The following HRK variants were observed in gnomAD, a reference collection of about 807,000 sequenced individuals.
The protein encoded by HRK is activator of apoptosis harakiri.
A neutral mutation model predicts 5.9 loss-of-function variants in HRK; 6 were observed. The ratio of observed to expected loss-of-function variants is 1.02; its 90% confidence interval spans 0.56 to 2.01. The LOEUF is 2.01. HRK is among the 30% of genes most tolerant of loss of function. The pLI is 0.00. For synonymous variants in HRK, 85 were observed against 65.1 expected, an observed-to-expected ratio of 1.31 and a Z score of -1.47; for missense variants, 133 against 128.3, an observed-to-expected ratio of 1.04 and a Z score of -0.18.
chr12:116,863,434 G>T (rs1878433906), intron 1 of HRK, among the ~76,000 whole-genome samples: 1 of 152,158 alleles, frequency 6.6e-6, no homozygotes, highest in South Asian at 2.1e-4. Context: ...TTCAGGCCAG[G>T]GTGGGAATAG....
At chr12:116,871,024 T>G (rs913664857) in intron 1 of HRK, among the ~76,000 whole-genome samples, 2 of 151,950 alleles carry the variant, frequency 1.3e-5, no homozygotes, top group Admixed American at 1.3e-4. Context: ...GTTCAAGCGA[T>G]TCTCTTGCCT....
rs927257156 is a variant in HRK at position 116,858,964 on chromosome 12, A to T, written c.*2559T>A. 1 of 152,158 alleles carries T rather than the reference A, an allele frequency of 6.6e-6. No individual in the cohort carries two copies. The highest frequency in any genetic ancestry group is 1.5e-5 in the Non-Finnish European group (1 of 68,014). The allele number at this position is 152,158 out of a possible 1,614,324, so 9.4% of individuals were successfully genotyped here. On this transcript the variant is annotated 3_prime_UTR_variant, in exon 2 of 2. Transcript: ENST00000257572. ...CATCAAGAAGTCAAATCTCATATAA[A>T]AACAAGCATTAAAAACAACCCCGTG... is the stretch of plus-strand genomic sequence containing the variant.
At chr12:116,875,761 C>T (rs141434531) in intron 1 of HRK, among the ~76,000 whole-genome samples, 1,645 of 152,230 alleles carry the variant, frequency 0.011, 12 homozygotes, top group Non-Finnish European at 0.016. Flanking sequence ...CCAGGCAGGT[C>T]TCGAACTCCT....
chr12:116,865,623 A>G (rs2137245544), intron 1 of HRK, among the ~76,000 whole-genome samples: 1 of 152,364 alleles, frequency 6.6e-6, no homozygotes, highest in East Asian at 1.9e-4. Flanking sequence ...AAAGAAGAAT[A>G]TAAAAATAAA....
chr12:116,865,709 T>C (rs1878518541), intron 1 of HRK, among the ~76,000 whole-genome samples: 1 of 152,222 alleles, frequency 6.6e-6, no homozygotes, highest in Non-Finnish European at 1.5e-5. Context: ...GCTGGTTGTG[T>C]AGCCTCCCAG....
chr12:116,871,673 T>C (rs1171786977), intron 1 of HRK, among the ~76,000 whole-genome samples: 2 of 150,892 alleles, frequency 1.3e-5, no homozygotes, highest in African/African-American at 2.4e-5. Context: ...GTCGCCCAGG[T>C]TGGAGTACAG....
intron 1 of HRK, among the ~76,000 whole-genome samples, chr12:116,877,932 G>A (rs1878997278): frequency 6.6e-6 from 1 of 152,184 alleles, no homozygotes; most frequent in Non-Finnish European, 1.5e-5. Flanking sequence ...TTGAGATGGA[G>A]TCTCGCTCTG....
At position 116,879,167 on chromosome 12, in the gene HRK, G is replaced by C. The variant is rs1378660300; in HGVS notation, c.*56+1809C>G. The C allele has an allele frequency of 6.6e-6, 1 of 152,342 alleles. No individual in the cohort carries two copies. The highest frequency in any genetic ancestry group is 6.5e-5 in the Admixed American group (1 of 15,290). The allele number at this position is 152,342 out of a possible 1,614,324, so 9.4% of individuals were successfully genotyped here. On this transcript the variant is annotated intron_variant, in intron 1 of 1. Transcript: ENST00000257572. This position sits in a 1 kb window ranked among gnomAD's most constrained non-coding sequence, Gnocchi z 5.6. ...ACATCCCGCACGCCTGGTGCCGGAAGGGGAGAGCGTTTCCAATCTCCTGGA... is the reference window on the plus strand; with the variant it reads ...ACATCCCGCACGCCTGGTGCCGGAACGGGAGAGCGTTTCCAATCTCCTGGA...
intron 1 of HRK, among the ~76,000 whole-genome samples, chr12:116,863,646 T>A (rs4766807): frequency 0.5 from 75,388 of 151,910 alleles, 22,949 homozygotes; most frequent in Admixed American, 0.66. Context: ...CCCCATAGTC[T>A]ATGTCAGCTG....
At position 116,881,320 on chromosome 12, in the gene HRK, C is replaced by A; in HGVS notation, c.-13G>T. On this transcript the variant is annotated 5_prime_UTR_variant, in exon 1 of 2. Coordinates refer to ENST00000257572, the MANE Select transcript of HRK (RefSeq NM_003806.4). ...GGCACGGGCACATGACCGCTGGCCT[C>A]GCTCCCGCCCCGCGCTCGGGCCGCC... 9.4e-7 allele frequency: 1 copy of A among 1,064,230 alleles called. No homozygotes were observed. The highest frequency in any genetic ancestry group is 4.4e-5 in the South Asian group (1 of 22,772). The allele number at this position is 1,064,230 out of a possible 1,614,324, so 65.9% of individuals were successfully genotyped here. A position where few individuals can be genotyped will look rare whatever the true frequency, so the allele number is the denominator to read the frequency against.
Position 116,867,304 on chromosome 12 carries a change from G to A in HRK, c.*57-5838C>T, listed in dbSNP as rs191441654. Among the ~76,000 whole-genome samples, 10 of 150,648 alleles carry A rather than the reference G, an allele frequency of 6.6e-5. No individual in the cohort carries two copies. The East Asian group carries it at 1.2e-3, about 18-fold the overall frequency. On this transcript the variant is annotated intron_variant, in intron 1 of 1. Coordinates refer to ENST00000257572, the MANE Select transcript of HRK (RefSeq NM_003806.4). Reference sequence around the variant, plus strand: ...TTACAGGCATGCACCACCATGCCCCGCTATTTTTTTTGTATTTTTAGTAGA... The same window carrying A: ...TTACAGGCATGCACCACCATGCCCCACTATTTTTTTTGTATTTTTAGTAGA...
intron 1 of HRK, chr12:116,869,449 A>C (rs1878666836): frequency 6.6e-6 from 1 of 152,220 alleles, no homozygotes; most frequent in Non-Finnish European, 1.5e-5. Context: ...TCACATGTAG[A>C]GGGGGCTGAA....
At chr12:116,869,840 A>C (rs1011470263) in intron 1 of HRK, among the ~76,000 whole-genome samples, 1 of 152,176 alleles carries the variant, frequency 6.6e-6, no homozygotes, top group Non-Finnish European at 1.5e-5. Context: ...CTGGGAGGCC[A>C]AGGCAGGCAT....
Position 116,881,059 on chromosome 12 carries a change from GGCCGCCAGC to G in HRK, c.240_248del (p.Leu81_Ala83del). ...ACAAGTTCCGCCTGCCGAGCAGCCA[GGCCGCCAGC>G]GCCGCCACCTGCGCGGCCGCGCACA... On this transcript the variant is annotated inframe_deletion, in exon 1 of 2. Coordinates refer to ENST00000257572, the MANE Select transcript of HRK (RefSeq NM_003806.4). The G allele has an allele frequency of 1.5e-6, 2 of 1,357,696 alleles. No individual in the cohort carries two copies. Among genetic ancestry groups the G allele is most frequent in the Non-Finnish European group, 1.9e-6 (2 of 1,055,250 alleles). The allele number at this position is 1,357,696 out of a possible 1,614,324, so 84.1% of individuals were successfully genotyped here. A position where few individuals can be genotyped will look rare whatever the true frequency, so the allele number is the denominator to read the frequency against.
In HRK at chr12:116,881,134, C is replaced by T. The variant is rs1276589783; in HGVS notation, c.174G>A (p.Arg58=). 1.7e-6 allele frequency: 2 copies of T among 1,203,594 alleles called. No individual in the cohort carries two copies. The highest frequency in any genetic ancestry group is 1.6e-5 in the African/African-American group (1 of 62,712). The allele number at this position is 1,203,594 out of a possible 1,614,324, so 74.6% of individuals were successfully genotyped here. A position where few individuals can be genotyped will look rare whatever the true frequency, so the allele number is the denominator to read the frequency against. The change falls in exon 1 of 2, where the codon AGG becomes AGA. Residue 58 remains arginine, a synonymous_variant. Coordinates refer to ENST00000257572, the MANE Select transcript of HRK (RefSeq NM_003806.4). Reference sequence around the variant, plus strand: ...TGGGGAGCGCGCCGGGCGCCGGCGCCCTCCGGCTCCGCGCGCGGCGCCGCC... The same window carrying T: ...TGGGGAGCGCGCCGGGCGCCGGCGCTCTCCGGCTCCGCGCGCGGCGCCGCC... The part of the protein sequence containing the change: ...TMWRRRARSR[R]APAPGALPTY...
Position 116,856,559 on chromosome 12 carries a change from T to G in HRK, c.*4964A>C, listed in dbSNP as rs900856202. 6.6e-6 allele frequency: 1 copy of G among 152,280 alleles called. No individual in the cohort carries two copies. Among genetic ancestry groups the G allele is most frequent in the Non-Finnish European group, 1.5e-5 (1 of 68,022 alleles). 9.4% of individuals were successfully genotyped at this position (152,280 alleles called of 1,614,324 possible). A position where few individuals can be genotyped will look rare whatever the true frequency, so the allele number is the denominator to read the frequency against. ...AACACAGGGTTAGGGCATGAGTATA[T>G]AAAATCCACAACGAAACCAACCAGC... On this transcript the variant is annotated 3_prime_UTR_variant, in exon 2 of 2. Coordinates refer to ENST00000257572, the MANE Select transcript of HRK (RefSeq NM_003806.4). This position sits in a 1 kb window ranked among gnomAD's most constrained non-coding sequence, Gnocchi z 4.4.
chr12:116,874,122 G>T (rs539178899), intron 1 of HRK, among the ~76,000 whole-genome samples: 1 of 152,216 alleles, frequency 6.6e-6, no homozygotes, highest in South Asian at 2.1e-4. Flanking sequence ...AAGAGGTGAG[G>T]GCAGGGGCAA....
At chr12:116,873,492 GC>G (rs36045226) in intron 1 of HRK, among the ~76,000 whole-genome samples, 76,242 of 151,834 alleles carry the variant, frequency 0.5, 23,371 homozygotes, top group Admixed American at 0.66. Context: ...ACCTCACTCA[GC>G]CTCCCGAGTA....
chr12:116,879,165 A>C lies in HRK; in HGVS notation c.*56+1811T>G, dbSNP rs12227855. The C allele has an allele frequency of 0.05, 7,548 of 152,404 alleles. 437 individuals are homozygous for C. The highest frequency in any genetic ancestry group is 0.13 in the African/African-American group (5,382 of 41,544). The allele number at this position is 152,404 out of a possible 1,614,324, so 9.4% of individuals were successfully genotyped here. A position where few individuals can be genotyped will look rare whatever the true frequency, so the allele number is the denominator to read the frequency against. Reference sequence around the variant, plus strand: ...CGACATCCCGCACGCCTGGTGCCGGAAGGGGAGAGCGTTTCCAATCTCCTG... The same window carrying C: ...CGACATCCCGCACGCCTGGTGCCGGCAGGGGAGAGCGTTTCCAATCTCCTG... On this transcript the variant is annotated intron_variant, in intron 1 of 1. Coordinates refer to ENST00000257572, the MANE Select transcript of HRK (RefSeq NM_003806.4). This position sits in a 1 kb window ranked among gnomAD's most constrained non-coding sequence, Gnocchi z 5.6.
Sources: allele counts gnomAD v4.1 joint callset (sites outside exome capture counted in the v4.1 genomes callset), GRCh38; gene constraint gnomAD v4.1.1; non-coding constraint Gnocchi (gnomAD v3.1); transcripts MANE v1.5; gene names NCBI Gene and HGNC (gene_info 2026-07-23, HGNC 2026-07-21).